The following PHF24 variants were observed in gnomAD, a reference collection of about 807,000 sequenced individuals.
PHF24 encodes the protein Galpha inhibitory interacting protein.
Under a neutral mutation model 42.6 loss-of-function variants are expected in PHF24, and 25 were observed. The observed-to-expected ratio is 0.59, with a 90% CI of 0.43 to 0.82. PHF24 has a LOEUF of 0.82. Ranked by LOEUF, PHF24 falls within the 40% of genes least tolerant of loss-of-function variation. PHF24 has a pLI of 0.00. For synonymous variants in PHF24, 185 were observed against 204.8 expected (o/e 0.90, Z 0.83); for missense variants, 470 against 538.1 (o/e 0.87, Z 1.25).
the PHF24 span, among the ~76,000 whole-genome samples, chr9:34,869,191 T>C: frequency 6.6e-6 from 1 of 152,224 alleles, no homozygotes; most frequent in Non-Finnish European, 1.5e-5. Flanking sequence ...TCTTTGGTAT[T>C]CTGAATAGTG....
the PHF24 span, among the ~76,000 whole-genome samples, chr9:34,856,785 A>G: frequency 2.0e-5 from 3 of 152,252 alleles, no homozygotes; most frequent in Non-Finnish European, 4.4e-5. Flanking sequence ...TTAAAGAAGC[A>G]GTCTGGCTGC....
the PHF24 span, among the ~76,000 whole-genome samples, chr9:34,816,165 C>T: frequency 6.4e-3 from 974 of 151,282 alleles, 8 homozygotes; most frequent in Middle Eastern, 0.037. Flanking sequence ...CTCCATCTTC[C>T]CACTGGAACT....
the PHF24 span, among the ~76,000 whole-genome samples, chr9:34,794,624 A>T: frequency 6.6e-6 from 1 of 152,194 alleles, no homozygotes; most frequent in East Asian, 1.9e-4. Flanking sequence ...GAAATAGAGG[A>T]TATACAGAAG....
the PHF24 span, among the ~76,000 whole-genome samples, chr9:34,904,557 C>A: frequency 6.6e-6 from 1 of 151,812 alleles, no homozygotes; most frequent in Non-Finnish European, 1.5e-5. Context: ...ACCATCCCTG[C>A]ATCCCTGGTA....
intron 1 of PHF24, among the ~76,000 whole-genome samples, chr9:34,962,825 G>A (rs1020292938): frequency 1.3e-5 from 2 of 152,212 alleles, no homozygotes; most frequent in African/African-American, 4.8e-5. Flanking sequence ...GGCCCTAAGA[G>A]GCTAAGCTCA....
the PHF24 span, among the ~76,000 whole-genome samples, chr9:34,851,038 G>GGGGGTCA: frequency 3.3e-5 from 5 of 152,268 alleles, no homozygotes; most frequent in Non-Finnish European, 2.9e-5. Context: ...TAGGCTGCTC[G>GGGGGTCA]GGGGTCAGGG....
chr9:34,803,490 G>A, the PHF24 span, among the ~76,000 whole-genome samples: 1 of 152,090 alleles, frequency 6.6e-6, no homozygotes. Context: ...GAAAAGCAAA[G>A]GGGTGAGGCA....
At chr9:34,838,527 C>G in the PHF24 span, 1 of 1,303,306 alleles carries the variant, frequency 7.7e-7, no homozygotes, top group East Asian at 2.5e-5. Context: ...ATCAGCCATC[C>G]CTCTATCTCG....
the PHF24 span, among the ~76,000 whole-genome samples, chr9:34,885,636 C>T: frequency 6.6e-6 from 1 of 152,110 alleles, no homozygotes; most frequent in South Asian, 2.1e-4. Flanking sequence ...TTCTCCCACC[C>T]AGATAGCCTC....
At chr9:34,760,523 A>C in the PHF24 span, among the ~76,000 whole-genome samples, 1 of 152,260 alleles carries the variant, frequency 6.6e-6, no homozygotes, top group African/African-American at 2.4e-5. Flanking sequence ...TAGAATTTCC[A>C]AGAAGTTGGG....
chr9:34,733,211 G>A, the PHF24 span, among the ~76,000 whole-genome samples: 3 of 152,156 alleles, frequency 2.0e-5, no homozygotes, highest in Non-Finnish European at 2.9e-5. Flanking sequence ...TTGTCGATAT[G>A]AGAAGTGCAA....
the PHF24 span, among the ~76,000 whole-genome samples, chr9:34,936,330 G>C: frequency 1.3e-5 from 2 of 152,210 alleles, no homozygotes; most frequent in African/African-American, 2.4e-5. Context: ...CTCGGCCTCC[G>C]GAGGTGCCGG....
At chr9:34,747,345 G>A in the PHF24 span, among the ~76,000 whole-genome samples, 5 of 152,220 alleles carry the variant, frequency 3.3e-5, no homozygotes, top group East Asian at 7.7e-4. Flanking sequence ...GAGCCCAGGA[G>A]CTCAAGGCTG....
the PHF24 span, among the ~76,000 whole-genome samples, chr9:34,707,601 A>G: frequency 2.6e-5 from 4 of 152,222 alleles, no homozygotes; most frequent in African/African-American, 9.6e-5. Flanking sequence ...AGACAAGCCA[A>G]TACTTGAGGA....
chr9:34,828,619 T>G, the PHF24 span, among the ~76,000 whole-genome samples: 2 of 152,232 alleles, frequency 1.3e-5, no homozygotes, highest in Admixed American at 6.5e-5. Flanking sequence ...CTGTTTTTCT[T>G]AATGTCACAG....
chr9:34,857,641 C>G, the PHF24 span, among the ~76,000 whole-genome samples: 1 of 152,190 alleles, frequency 6.6e-6, no homozygotes, highest in Non-Finnish European at 1.5e-5. Context: ...TAGTCAGTCC[C>G]AATGTGAAAA....
At chr9:34,833,065 A>G in the PHF24 span, 2 of 1,541,420 alleles carry the variant, frequency 1.3e-6, no homozygotes, top group Non-Finnish European at 1.7e-6. Context: ...TCTGGTCTTC[A>G]GCAGGGCGTC....
At chr9:34,890,439 G>A in the PHF24 span, among the ~76,000 whole-genome samples, 1 of 152,208 alleles carries the variant, frequency 6.6e-6, no homozygotes, top group Non-Finnish European at 1.5e-5. Context: ...TGAACACAAA[G>A]TACCTGGGCC....
the PHF24 span, chr9:34,832,333 A>G: frequency 0.99 from 669,604 of 679,772 alleles, 330,154 homozygotes; most frequent in East Asian, 1. Context: ...CAAGCCACTC[A>G]AGGACAGTGA....
Sources: allele counts gnomAD v4.1 joint callset (sites outside exome capture counted in the v4.1 genomes callset), GRCh38; gene constraint gnomAD v4.1.1; transcripts MANE v1.5; gene names NCBI Gene and HGNC (gene_info 2026-07-23, HGNC 2026-07-21).